Variants in MXD4 observed in about 807,000 individuals in gnomAD.
MXD4 encodes Mad4 homolog.
Under a neutral mutation model 24.5 loss-of-function variants are expected in MXD4, and 16 were observed. The ratio of observed to expected loss-of-function variants is 0.65; its 90% CI spans 0.44 to 0.99. The LOEUF (loss-of-function observed/expected upper bound fraction) is 0.99, where lower values mean the gene tolerates loss of function less well. MXD4 is among the 50% of genes least tolerant of loss of function. The pLI, the probability that MXD4 is intolerant of heterozygous loss-of-function variation, is 0.00. For synonymous variants in MXD4, 164 were observed against 134.2 expected (o/e 1.22, Z -1.54); for missense variants, 301 against 301.5 (o/e 1.00, Z 0.01).
chr4:2,258,531 G>A (rs768825771), intron 2 of MXD4, among the ~76,000 whole-genome samples: 2 of 152,188 alleles, frequency 1.3e-5, no homozygotes, highest in Non-Finnish European at 1.5e-5. Flanking sequence ...GAGGCCAGCT[G>A]TGTCCTTGGA....
At chr4:2,257,922 C>A (rs866238576) in intron 3 of MXD4, 60 bp downstream of exon 3, 4 of 1,607,172 alleles carry the variant, frequency 2.5e-6, no homozygotes, top group South Asian at 1.1e-5. Context: ...GCACCACACA[C>A]CCTCAGTAAA....
intron 3 of MXD4, chr4:2,254,648 C>T (rs975216403): frequency 1.3e-5 from 2 of 152,732 alleles, no homozygotes; most frequent in African/African-American, 4.8e-5. Context: ...TGAGCTCATA[C>T]ACATCAAAAA....
rs1735527141 is a variant in MXD4 at position 2,260,923 on chromosome 4, C to T, written c.164+802G>A. Among the ~76,000 whole-genome samples the T allele has an allele frequency of 2.0e-5, 3 of 152,148 alleles. No homozygotes were observed. In the South Asian group the frequency reaches 6.2e-4, roughly 32 times the overall value. On this transcript the variant is annotated intron_variant, in intron 2 of 5. Coordinates refer to ENST00000337190, the MANE Select transcript of MXD4 (RefSeq NM_006454.3). ...GTGGAAATCCCCGGGGAGCCCCGGC[C>T]CAGGGTCCCCACTCCCCACGCGGGG...
Position 2,255,243 on chromosome 4 carries a change from C to A in MXD4, c.195-2721G>T, listed in dbSNP as rs1039502967. The A allele has an allele frequency of 8.9e-6, 4 of 447,746 alleles. No individual in the cohort carries two copies. The East Asian group carries it at 2.8e-4, about 31-fold the overall frequency. 27.7% of individuals were successfully genotyped at this position (447,746 alleles called of 1,614,324 possible). A position where few individuals can be genotyped will look rare whatever the true frequency, so the allele number is the denominator to read the frequency against. On this transcript the variant is annotated intron_variant, in intron 3 of 5. Coordinates refer to ENST00000337190, the MANE Select transcript of MXD4 (RefSeq NM_006454.3). Reference sequence around the variant, plus strand: ...GTCTCATCGGCAATGTTAGTGCCCGCGGGGAGCAGTGGAGGATGTGGCTCA... The same window carrying A: ...GTCTCATCGGCAATGTTAGTGCCCGAGGGGAGCAGTGGAGGATGTGGCTCA...
intron 5 of MXD4, among the ~76,000 whole-genome samples, 162 bp from the exon 6 acceptor site, chr4:2,250,863 G>A (rs958850488): frequency 3.9e-5 from 6 of 152,242 alleles, no homozygotes; most frequent in East Asian, 1.9e-4. Flanking sequence ...CTGAGAACCC[G>A]GCCTCAGAAG....
chr4:2,259,821 C>G (rs1434557548), intron 2 of MXD4, among the ~76,000 whole-genome samples: 28 of 152,148 alleles, frequency 1.8e-4, no homozygotes, highest in Non-Finnish European at 5.9e-5. Context: ...TCCCGTGACC[C>G]CAGGAGACAA....
chr4:2,259,090 C>T (rs1048226081), intron 2 of MXD4: 1 of 401,082 alleles, frequency 2.5e-6, no homozygotes, highest in Non-Finnish European at 5.1e-6. Flanking sequence ...CAGACTGCCT[C>T]GGGGCACCTC....
At chr4:2,255,914 G>A (rs1028075111) in intron 3 of MXD4, among the ~76,000 whole-genome samples, 1 of 152,112 alleles carries the variant, frequency 6.6e-6, no homozygotes, top group African/African-American at 2.4e-5. Context: ...AGCTGGGGGT[G>A]GCCCAGGAGC....
chr4:2,252,149 G>A (rs1014862463), intron 4 of MXD4, among the ~76,000 whole-genome samples: 2 of 152,080 alleles, frequency 1.3e-5, no homozygotes, highest in African/African-American at 4.8e-5. Context: ...GCTGCGATGC[G>A]GCTTCTTATG....
chr4:2,251,021 A>G lies in MXD4; in HGVS notation c.472+63T>C, dbSNP rs1735309329. On this transcript the variant is annotated intron_variant, in intron 5 of 5. Coordinates refer to ENST00000337190, the MANE Select transcript of MXD4 (RefSeq NM_006454.3). ...AGCACCAGGCACCTCCTCTCCACCC[A>G]GGGAGCTGCACCACTGCGCACCCGG... 1.7e-5 allele frequency: 25 copies of G among 1,457,980 alleles called. No individual in the cohort carries two copies. In the South Asian group the frequency reaches 3.2e-4, roughly 19 times the overall value. 90.3% of individuals were successfully genotyped at this position (1,457,980 alleles called of 1,614,324 possible).
intron 3 of MXD4, chr4:2,252,883 TC>T (rs1468246462): frequency 4.3e-5 from 10 of 232,384 alleles, no homozygotes; most frequent in Non-Finnish European, 7.8e-5. Flanking sequence ...AGGGTGCCTT[TC>T]AGGCTGCACC....
Position 2,250,509 on chromosome 4 carries a change from G to C in MXD4, c.*35C>G. The C allele has an allele frequency of 2.0e-6, 3 of 1,521,876 alleles. No individual in the cohort carries two copies. The highest frequency in any genetic ancestry group is 2.6e-6 in the Non-Finnish European group (3 of 1,133,902). 94.3% of individuals were successfully genotyped at this position (1,521,876 alleles called of 1,614,324 possible). On this transcript the variant is annotated 3_prime_UTR_variant, in exon 6 of 6. Coordinates refer to ENST00000337190, the MANE Select transcript of MXD4 (RefSeq NM_006454.3). ...ACTGGAGGGCTGACACGCGTGGCTGGCGGGCAGGCAGGCCAAGGAGCAGAG... is the reference window on the plus strand; with the variant it reads ...ACTGGAGGGCTGACACGCGTGGCTGCCGGGCAGGCAGGCCAAGGAGCAGAG...
chr4:2,247,525 T>G lies in MXD4; in HGVS notation c.*3019A>C, dbSNP rs1205584105. The G allele has an allele frequency of 6.6e-6, 1 of 152,404 alleles. No homozygotes were observed. Among genetic ancestry groups the G allele is most frequent in the Non-Finnish European group, 1.5e-5 (1 of 68,190 alleles). The allele number at this position is 152,404 out of a possible 1,614,324, so 9.4% of individuals were successfully genotyped here. A position where few individuals can be genotyped will look rare whatever the true frequency, so the allele number is the denominator to read the frequency against. ...GTGGCCGGGGGCCCCTTTCCCCCTC[T>G]AGCGCACGCCCCCCTCACCGGCACC... On this transcript the variant is annotated 3_prime_UTR_variant, in exon 6 of 6. Transcript: ENST00000337190.
At chr4:2,261,495 C>T (rs1735544073) in intron 2 of MXD4, among the ~76,000 whole-genome samples, 2 of 150,812 alleles carry the variant, frequency 1.3e-5, no homozygotes, top group South Asian at 4.2e-4. Context: ...GCACTGTTTA[C>T]GCGAGCGGCC....
Position 2,251,214 on chromosome 4 carries a change from G to A in MXD4, c.342C>T (p.Ser114=), listed in dbSNP as rs756687782. ...GCTCCTGCTGCAGCTGCTCCTTGATGCTCAGTGCCCGGCGGTCCTGCTCCT... is the reference window on the plus strand; with the variant it reads ...GCTCCTGCTGCAGCTGCTCCTTGATACTCAGTGCCCGGCGGTCCTGCTCCT... ...KLEEQDRRAL[S]IKEQLQQEHR... The change falls in exon 5 of 6, where the codon AGC becomes AGT. Residue 114 remains serine, a synonymous_variant. Coordinates refer to ENST00000337190, the MANE Select transcript of MXD4 (RefSeq NM_006454.3). 48 of 1,608,350 alleles carry A rather than the reference G, an allele frequency of 3.0e-5. No individual in the cohort carries two copies. Among genetic ancestry groups the A allele is most frequent in the Non-Finnish European group, 4.0e-5 (47 of 1,177,252 alleles).
intron 3 of MXD4, among the ~76,000 whole-genome samples, chr4:2,257,614 T>G (rs1338500856): frequency 2.0e-5 from 3 of 152,234 alleles, no homozygotes; most frequent in Non-Finnish European, 4.4e-5. Flanking sequence ...GCACGGCTTC[T>G]TGGAAGGCAG....
At chr4:2,260,265 G>T (rs144076973) in intron 2 of MXD4, among the ~76,000 whole-genome samples, 1 of 152,242 alleles carries the variant, frequency 6.6e-6, no homozygotes, top group Non-Finnish European at 1.5e-5. Context: ...CCCATCTCAG[G>T]AACAGGCGTC....
At chr4:2,252,143 C>T (rs1368999005) in intron 4 of MXD4, among the ~76,000 whole-genome samples, 2 of 152,162 alleles carry the variant, frequency 1.3e-5, no homozygotes, top group Admixed American at 1.3e-4. Context: ...GTCTATGCTG[C>T]GATGCGGCTT....
rs1173313053 is a variant in MXD4, at chr4:2,249,452, T to G, written c.*1092A>C. 1 of 151,550 alleles carries G rather than the reference T, an allele frequency of 6.6e-6. No homozygotes were observed. Among genetic ancestry groups the G allele is most frequent in the Non-Finnish European group, 1.5e-5 (1 of 67,848 alleles). 9.4% of individuals were successfully genotyped at this position (151,550 alleles called of 1,614,324 possible). On this transcript the variant is annotated 3_prime_UTR_variant, in exon 6 of 6. Coordinates refer to ENST00000337190, the MANE Select transcript of MXD4 (RefSeq NM_006454.3). ...GGCTTTCTTCTTTTTAAAAATGGTT[T>G]TTTTTTTTTTTCTGGGAAAGCCTCT...
Sources: gnomAD v4.1 joint callset for allele counts (sites outside exome capture counted in the v4.1 genomes callset) on GRCh38, gnomAD v4.1.1 for gene constraint, MANE v1.5 for transcripts, NCBI Gene and HGNC (gene_info 2026-07-23, HGNC 2026-07-21) for gene names.